The following MTUS2 variants were observed in gnomAD, a reference collection of about 807,000 sequenced individuals.
The protein encoded by MTUS2 is microtubule-associated tumor suppressor candidate 2.
A neutral mutation model predicts 114.1 loss-of-function variants in MTUS2; 40 were observed. The observed-to-expected ratio is 0.35, with a 90% CI of 0.27 to 0.46. The LOEUF (loss-of-function observed/expected upper bound fraction) is 0.46, where lower values mean the gene tolerates loss of function less well. MTUS2 is among the 20% of genes least tolerant of loss of function. MTUS2 has a pLI of 1.00. For synonymous variants in MTUS2, 688 were observed against 672.0 expected (o/e 1.02, Z -0.37); for missense variants, 1,679 against 1,705.4 (o/e 0.98, Z 0.27).
chr13:29,280,696 G>A (rs916730100), intron 5 of MTUS2, among the ~76,000 whole-genome samples: 2 of 152,042 alleles, frequency 1.3e-5, no homozygotes, highest in Non-Finnish European at 2.9e-5. Flanking sequence ...ATTTTTCATG[G>A]TAGATGGTCA....
At chr13:29,288,897 T>G (rs559943615) in intron 6 of MTUS2, among the ~76,000 whole-genome samples, 524 of 152,306 alleles carry the variant, frequency 3.4e-3, no homozygotes, top group Non-Finnish European at 5.7e-3. Context: ...TTAAGCGGAC[T>G]CAGAGACTGC....
intron 5 of MTUS2, among the ~76,000 whole-genome samples, chr13:29,246,954 C>T (rs944580784): frequency 1.1e-4 from 17 of 150,570 alleles, no homozygotes; most frequent in Admixed American, 9.3e-4. Flanking sequence ...CCTGCATAGC[C>T]AAAGCAAGTC....
chr13:29,271,357 C>T (rs948713016), intron 5 of MTUS2, among the ~76,000 whole-genome samples: 1 of 152,140 alleles, frequency 6.6e-6, no homozygotes, highest in African/African-American at 2.4e-5. Context: ...TTTTTCCTCC[C>T]GAATTTTACT....
intron 2 of MTUS2, among the ~76,000 whole-genome samples, chr13:29,004,911 A>G (rs1157634112): frequency 6.6e-6 from 1 of 152,166 alleles, no homozygotes; most frequent in African/African-American, 2.4e-5. Context: ...AAGGGAATAA[A>G]TAAAATGCAT....
At chr13:29,002,820 A>G (rs1194654865) in intron 2 of MTUS2, among the ~76,000 whole-genome samples, 2 of 152,218 alleles carry the variant, frequency 1.3e-5, no homozygotes, top group Non-Finnish European at 2.9e-5. Flanking sequence ...GACATAATTC[A>G]AACTTTAAAG....
intron 1 of MTUS2, among the ~76,000 whole-genome samples, chr13:28,823,298 G>T (rs1874035695): frequency 6.6e-6 from 1 of 152,220 alleles, no homozygotes; most frequent in African/African-American, 2.4e-5. Flanking sequence ...AGGACTAGAT[G>T]AGTATCTGCT....
At chr13:29,031,237 G>GTGTGTGTGTGT (rs1555287203) in intron 3 of MTUS2, among the ~76,000 whole-genome samples, 1 of 122,886 alleles carries the variant, frequency 8.1e-6, no homozygotes, top group Admixed American at 8.5e-5. Context: ...AGAACTAATA[G>GTGTGTGTGTGT]GTGTGTGTGT....
At chr13:29,117,608 A>C (rs1891141986) in intron 5 of MTUS2, among the ~76,000 whole-genome samples, 1 of 152,184 alleles carries the variant, frequency 6.6e-6, no homozygotes, top group Non-Finnish European at 1.5e-5. Flanking sequence ...CACCTCTTGC[A>C]CAAATAAGTG....
At chr13:29,468,946 A>T (rs1813702685) in intron 9 of MTUS2, among the ~76,000 whole-genome samples, 1 of 152,198 alleles carries the variant, frequency 6.6e-6, no homozygotes, top group African/African-American at 2.4e-5. Flanking sequence ...GAAGGAAATT[A>T]TAATAAAAAC....
intron 8 of MTUS2, among the ~76,000 whole-genome samples, chr13:29,383,998 A>G (rs1233177827): frequency 1.4e-4 from 22 of 152,236 alleles, no homozygotes; most frequent in Admixed American, 1.3e-3. Context: ...GTTGACCTAT[A>G]TTGTATATAA....
intron 9 of MTUS2, among the ~76,000 whole-genome samples, chr13:29,477,429 G>GC (rs1326280676): frequency 6.6e-6 from 1 of 152,150 alleles, no homozygotes; most frequent in African/African-American, 2.4e-5. Context: ...GAGAGCTGGA[G>GC]CTCAAGTAAG....
chr13:29,002,902 G>T (rs1209467379), intron 2 of MTUS2, among the ~76,000 whole-genome samples: 2 of 152,190 alleles, frequency 1.3e-5, no homozygotes, highest in Non-Finnish European at 2.9e-5. Context: ...CCCCAGTGAT[G>T]CTAGGTAATA....
At chr13:29,454,810 CATCCCCATGGGAGGAGAGGGA>C (rs1474247709) in intron 9 of MTUS2, among the ~76,000 whole-genome samples, 2 of 152,344 alleles carry the variant, frequency 1.3e-5, no homozygotes, top group East Asian at 3.9e-4. Flanking sequence ...AGTCTTTAGA[CATCCCCATGGGAGGAGAGGGA>C]ATCCTATTAG....
In MTUS2 at chr13:29,171,060, T is replaced by C. The variant is rs199740078; in HGVS notation, c.2644+70090T>C. On this transcript the variant is annotated intron_variant, in intron 5 of 15. Transcript: ENST00000612955. ...TTTCTCTGTGTTAACTGAGGATCAT[T>C]GTGCATATTCTTACAAAGATAACCT... Among the ~76,000 whole-genome samples the C allele has an allele frequency of 7.2e-5, 11 of 152,256 alleles. 1 individual carries two copies. In the East Asian group the frequency reaches 2.1e-3, roughly 29 times the overall value.
chr13:29,169,635 A>G (rs1448355676), intron 5 of MTUS2, among the ~76,000 whole-genome samples: 5 of 152,232 alleles, frequency 3.3e-5, no homozygotes, highest in African/African-American at 4.8e-5. Flanking sequence ...ATAGAATGCC[A>G]TACTTCATTC....
chr13:29,213,969 C>T (rs1895566129), intron 5 of MTUS2, among the ~76,000 whole-genome samples: 1 of 150,860 alleles, frequency 6.6e-6, no homozygotes, highest in Non-Finnish European at 1.5e-5. Context: ...AGCTATCTGT[C>T]TCTTATTTTT....
At chr13:29,130,558 T>C (rs1483528551) in intron 5 of MTUS2, among the ~76,000 whole-genome samples, 2 of 152,228 alleles carry the variant, frequency 1.3e-5, no homozygotes, top group Admixed American at 6.5e-5. Context: ...TCTATTTTTT[T>C]CTTGCACTTT....
intron 2 of MTUS2, among the ~76,000 whole-genome samples, chr13:28,966,082 T>G (rs770058218): frequency 3.3e-5 from 5 of 152,212 alleles, no homozygotes; most frequent in Non-Finnish European, 7.3e-5. Flanking sequence ...GTTTATATTT[T>G]CCCTACCATT....
At chr13:29,377,523 C>A (rs1466948449) in intron 8 of MTUS2, among the ~76,000 whole-genome samples, 2 of 152,072 alleles carry the variant, frequency 1.3e-5, no homozygotes, top group Admixed American at 1.3e-4. Context: ...TCTAAGTAAA[C>A]CATGGGTCAA....
Sources: allele counts gnomAD v4.1 joint callset (sites outside exome capture counted in the v4.1 genomes callset), GRCh38; gene constraint gnomAD v4.1.1; transcripts MANE v1.5; gene names NCBI Gene and HGNC (gene_info 2026-07-23, HGNC 2026-07-21).